Variants in ATP9A observed in about 807,000 individuals in gnomAD.
ATP9A encodes the protein probable phospholipid-transporting ATPase IIA.
Under a neutral mutation model 144.1 loss-of-function variants are expected in ATP9A, and 52 were observed. That is an observed-to-expected ratio of 0.36 (90% confidence interval 0.29 to 0.45). The LOEUF (loss-of-function observed/expected upper bound fraction) is 0.45. ATP9A is among the 20% of genes least tolerant of loss of function. ATP9A has a pLI of 1.00. For missense variants in ATP9A, 947 were observed against 1,392.7 expected (o/e 0.68, Z 5.09); for synonymous variants, 582 against 557.4 (o/e 1.04, Z -0.62).
At chr20:51,741,901 G>C (rs1053878580) in intron 1 of ATP9A, among the ~76,000 whole-genome samples, 1 of 152,166 alleles carries the variant, frequency 6.6e-6, no homozygotes, top group East Asian at 1.9e-4. Flanking sequence ...ACAATGCACA[G>C]ACAACCTCCA....
Position 51,627,655 on chromosome 20 carries a change from C to G in ATP9A, c.1790G>C (p.Arg597Pro). Reference protein sequence around the residue: ...ECGNMAREGLRVLVVAKKSLA... With the variant: ...ECGNMAREGLPVLVVAKKSLA... ...AGACTTCTTTGCCACCACGAGCACC[C>G]GCAGCCCTTCTCGGGCCATGTTGCC... The change falls in exon 17 of 28, where the codon CGG (arginine) becomes CCG (proline). Residue 597 changes from arginine to proline, a missense_variant. Arg to Pro is a moderately radical substitution (Grantham distance 103). Around this residue, in one of 2 missense-constraint regions of ATP9A, gnomAD observed 770 missense variants for 1,047.9 expected, o/e 0.73. Coordinates refer to ENST00000338821, the MANE Select transcript of ATP9A (RefSeq NM_006045.3). 6.2e-7 allele frequency: 1 copy of G among 1,614,188 alleles called. No homozygotes were observed. Among genetic ancestry groups the G allele is most frequent in the Non-Finnish European group, 8.5e-7 (1 of 1,180,020 alleles).
chr20:51,723,318 TG>T (rs1438605742), intron 3 of ATP9A, among the ~76,000 whole-genome samples: 1 of 151,924 alleles, frequency 6.6e-6, no homozygotes, highest in Non-Finnish European at 1.5e-5. Flanking sequence ...GCTCGGGTGA[TG>T]AGTGTGCCAA....
At chr20:51,626,300 C>T (rs2077248195) in intron 17 of ATP9A, among the ~76,000 whole-genome samples, 1 of 150,166 alleles carries the variant, frequency 6.7e-6, no homozygotes, top group Admixed American at 6.6e-5. Context: ...ACCAGCCTGG[C>T]CAACATGGCA....
intron 22 of ATP9A, among the ~76,000 whole-genome samples, chr20:51,616,289 G>C (rs988508802): frequency 6.6e-6 from 1 of 152,056 alleles, no homozygotes. Flanking sequence ...TGCCCCCTCC[G>C]GGCCTTGGCA....
intron 14 of ATP9A, among the ~76,000 whole-genome samples, chr20:51,642,075 T>C (rs1225154088): frequency 2.0e-5 from 3 of 152,166 alleles, no homozygotes; most frequent in African/African-American, 4.8e-5. Flanking sequence ...TTGTTTGGCA[T>C]TGAAGTTGGA....
intron 27 of ATP9A, among the ~76,000 whole-genome samples, chr20:51,603,080 G>C (rs968657843): frequency 6.6e-6 from 1 of 152,126 alleles, no homozygotes; most frequent in African/African-American, 2.4e-5. Flanking sequence ...GTCATTAACT[G>C]AAAGTTTCCC....
intron 1 of ATP9A, among the ~76,000 whole-genome samples, chr20:51,750,231 C>T (rs2077825573): frequency 6.6e-6 from 1 of 152,152 alleles, no homozygotes; most frequent in African/African-American, 2.4e-5. Context: ...TGTCTGCAGC[C>T]TCTGATCTTG....
At chr20:51,730,093 A>T in intron 1 of ATP9A, 115 bp from the exon 2 acceptor site, 1 of 1,168,180 alleles carries the variant, frequency 8.6e-7, no homozygotes, top group Non-Finnish European at 1.1e-6. Context: ...GCTCAGGACC[A>T]CAGCCATATT....
Position 51,759,811 on chromosome 20 carries a change from T to C in ATP9A, c.68+8491A>G, listed in dbSNP as rs188117329. Among the ~76,000 whole-genome samples, 29 of 152,278 alleles carry C rather than the reference T, an allele frequency of 1.9e-4. No individual in the cohort carries two copies. In the East Asian group the frequency reaches 5.4e-3, roughly 28 times the overall value. The stretch of plus-strand genomic sequence containing the variant: ...CACACACCCACCCCACTATATACAA[T>C]TGATCCTCATAATTTATAATTTCTG... On this transcript the variant is annotated intron_variant, in intron 1 of 27. Coordinates refer to ENST00000338821, the MANE Select transcript of ATP9A (RefSeq NM_006045.3).
chr20:51,646,748 ATT>A (rs11475833), intron 14 of ATP9A, among the ~76,000 whole-genome samples: 6 of 151,282 alleles, frequency 4.0e-5, no homozygotes, highest in East Asian at 1.9e-4. Flanking sequence ...TACTGCTTCA[ATT>A]TTTTTTTTTA....
intron 14 of ATP9A, among the ~76,000 whole-genome samples, chr20:51,648,932 T>A (rs2077353008): frequency 6.6e-6 from 1 of 152,116 alleles, no homozygotes; most frequent in Non-Finnish European, 1.5e-5. Context: ...TCATTTTAAT[T>A]TTCCTTTCTA....
chr20:51,616,027 T>G (rs1904908703), intron 22 of ATP9A, among the ~76,000 whole-genome samples: 1 of 152,058 alleles, frequency 6.6e-6, no homozygotes. Context: ...GGAAAATGCT[T>G]TAATTTTTTA....
At chr20:51,607,934 C>T (rs779087899) in intron 25 of ATP9A, among the ~76,000 whole-genome samples, 2 of 151,472 alleles carry the variant, frequency 1.3e-5, no homozygotes, top group African/African-American at 2.4e-5. Context: ...ATCCCAGCTA[C>T]TCGGGAGGCT....
chr20:51,762,705 C>CTTT (rs34209501), intron 1 of ATP9A, among the ~76,000 whole-genome samples: 7,953 of 84,478 alleles, frequency 0.094, 871 homozygotes, highest in African/African-American at 0.17. Context: ...CCACAAATGG[C>CTTT]TTTTTTTTTT....
intron 23 of ATP9A, among the ~76,000 whole-genome samples, chr20:51,612,041 A>G (rs572649374): frequency 6.6e-6 from 1 of 152,352 alleles, no homozygotes; most frequent in Non-Finnish European, 1.5e-5. Context: ...TGATGTTTAC[A>G]TATTACCTTA....
intron 14 of ATP9A, among the ~76,000 whole-genome samples, chr20:51,646,286 G>C (rs900482767): frequency 6.6e-6 from 1 of 152,158 alleles, no homozygotes; most frequent in Admixed American, 6.5e-5. Context: ...AAATAAGCCA[G>C]ATCACGCTCA....
intron 2 of ATP9A, among the ~76,000 whole-genome samples, chr20:51,726,889 CTTTTTTTT>C (rs55719132): frequency 0.05 from 4,685 of 93,922 alleles, 118 homozygotes; most frequent in African/African-American, 0.12. Context: ...TGTGTTATTT[CTTTTTTTT>C]TTTTTTTTTT....
intron 24 of ATP9A, among the ~76,000 whole-genome samples, chr20:51,608,912 G>T (rs1057042619): frequency 9.4e-6 from 1 of 106,948 alleles, no homozygotes; most frequent in Non-Finnish European, 2.0e-5. Flanking sequence ...ATGGGGTAGA[G>T]GAAATAAGAC....
At position 51,604,905 on chromosome 20, in the gene ATP9A, G is replaced by A. The variant is rs774970650; in HGVS notation, c.2919C>T (p.Ile973=). The A allele has an allele frequency of 3.7e-6, 6 of 1,611,584 alleles. No individual in the cohort carries two copies. The African/African-American group carries it at 5.4e-5, about 14-fold the overall frequency. ...LTELLMVALT[I]QTWHWLMTVA... ...CTGTCATGAGCCAGTGCCAGGTCTG[G>A]ATGGTCAGCGCCACCATGAGCAGCT... is the stretch of plus-strand genomic sequence containing the variant. Residue 973 remains isoleucine (I), a synonymous_variant, in exon 27 of 28, where the codon ATC becomes ATT. Transcript: ENST00000338821.
Sources: gnomAD v4.1 joint callset for allele counts (sites outside exome capture counted in the v4.1 genomes callset) on GRCh38, gnomAD v4.1.1 for gene constraint, gnomAD v4.1.1 regional missense constraint, MANE v1.5 for transcripts, NCBI Gene and HGNC (gene_info 2026-07-23, HGNC 2026-07-21) for gene names.